CHRNA9: variants seen among roughly 807,000 people sequenced by gnomAD.
The protein encoded by CHRNA9 is cholinergic receptor nicotinic alpha 9 subunit, also known as neuronal acetylcholine receptor subunit alpha-9.
In CHRNA9, 24 loss-of-function variants were observed where a neutral mutation model predicts 36.8. The ratio of observed to expected loss-of-function variants is 0.65; its 90% CI spans 0.47 to 0.92. The LOEUF (loss-of-function observed/expected upper bound fraction) is 0.92. Among genes scored for constraint, CHRNA9 ranks in the 40% least tolerant of loss-of-function variants. The pLI, the probability that CHRNA9 is intolerant of heterozygous loss-of-function variation, is 0.00. For synonymous variants in CHRNA9, 231 were observed against 231.8 expected, an observed-to-expected ratio of 1.00 and a Z score of 0.03; for missense variants, 610 against 601.2, an observed-to-expected ratio of 1.01 and a Z score of -0.15.
intron 3 of CHRNA9, among the ~76,000 whole-genome samples, chr4:40,339,458 G>A (rs1451783717): frequency 5.3e-5 from 8 of 150,534 alleles, no homozygotes; most frequent in South Asian, 2.1e-4. Flanking sequence ...CGAGGGGGGC[G>A]GATCATGAGG....
At chr4:40,343,172 C>T (rs1007253083) in intron 3 of CHRNA9, among the ~76,000 whole-genome samples, 11 of 152,138 alleles carry the variant, frequency 7.2e-5, no homozygotes, top group Non-Finnish European at 1.5e-4. Context: ...GTCATTTTCG[C>T]TCAATTGCAA....
intron 3 of CHRNA9, chr4:40,338,373 C>T (rs1044007573): frequency 3.3e-5 from 5 of 152,298 alleles, no homozygotes; most frequent in African/African-American, 7.2e-5. Flanking sequence ...CTCCGGAAGA[C>T]GTGGGCACTG....
intron 2 of CHRNA9, 76 bp downstream of exon 2, chr4:40,336,048 T>C: frequency 1.6e-6 from 2 of 1,286,014 alleles, no homozygotes; most frequent in Non-Finnish European, 2.2e-6. Flanking sequence ...AGAGAATGTC[T>C]TAACTGGGAA....
At chr4:40,348,764 G>T (rs545829548) in intron 3 of CHRNA9, 118 bp from the exon 4 acceptor site, 3 of 953,294 alleles carry the variant, frequency 3.1e-6, no homozygotes, top group African/African-American at 3.3e-5. Context: ...ACAGTGACAG[G>T]CAAAATGGTG....
intron 3 of CHRNA9, among the ~76,000 whole-genome samples, chr4:40,346,753 C>T (rs1368688869): frequency 6.6e-6 from 1 of 152,026 alleles, no homozygotes. Flanking sequence ...CAATAAAAAC[C>T]TTAAAAACAT....
rs78801957 is a variant in CHRNA9, at chr4:40,353,699, C to A, written c.899-280C>A. Among the ~76,000 whole-genome samples, 969 of 151,070 alleles carry A rather than the reference C, an allele frequency of 6.4e-3. 7 individuals are homozygous for A. Among genetic ancestry groups the A allele is most frequent in the Non-Finnish European group, 8.8e-3 (596 of 67,678 alleles). ...TATGTTTAGATACACAAATATTGAC[C>A]GTTTGATAATCATGTGTACAATTGC... is the stretch of plus-strand genomic sequence containing the variant. On this transcript the variant is annotated intron_variant, in intron 4 of 4. Transcript: ENST00000310169.
At chr4:40,339,593 G>A (rs1403150473) in intron 3 of CHRNA9, among the ~76,000 whole-genome samples, 3 of 150,180 alleles carry the variant, frequency 2.0e-5, no homozygotes, top group African/African-American at 7.4e-5. Context: ...GTGAACCCGG[G>A]AGGCGGAGCT....
At position 40,354,498 on chromosome 4, in the gene CHRNA9, T is replaced by G. The variant is rs371532896; in HGVS notation, c.1418T>G (p.Leu473Trp). 775 of 1,612,770 alleles carry G rather than the reference T, an allele frequency of 4.8e-4. 16 individuals are homozygous for G. In the South Asian group the frequency reaches 8.1e-3, roughly 17 times the overall value. The part of the protein sequence containing the change: ...FFIMVFVMTI[L>W]IIARAD Reference sequence around the variant, plus strand: ...ATTATGGTGTTTGTGATGACTATTTTGATCATAGCAAGAGCGGATTAGTCA... The same window carrying G: ...ATTATGGTGTTTGTGATGACTATTTGGATCATAGCAAGAGCGGATTAGTCA... The change falls in exon 5 of 5, where the codon TTG (leucine) becomes TGG (tryptophan). Residue 473 changes from leucine (L) to tryptophan (W), a missense_variant. Coordinates refer to ENST00000310169, the MANE Select transcript of CHRNA9 (RefSeq NM_017581.4).
At chr4:40,343,666 G>A (rs541870328) in intron 3 of CHRNA9, among the ~76,000 whole-genome samples, 10 of 152,322 alleles carry the variant, frequency 6.6e-5, no homozygotes, top group East Asian at 5.8e-4. Flanking sequence ...TAAATATTCC[G>A]TGAGGGTTAT....
In CHRNA9 at chr4:40,335,397, T is replaced by G; in HGVS notation, c.-71T>G. The G allele has an allele frequency of 8.5e-7, 1 of 1,171,848 alleles. No homozygotes were observed. The highest frequency in any genetic ancestry group is 1.3e-6 in the Non-Finnish European group (1 of 777,030). 72.6% of individuals were successfully genotyped at this position (1,171,848 alleles called of 1,614,324 possible). A position where few individuals can be genotyped will look rare whatever the true frequency, so the allele number is the denominator to read the frequency against. ...TGTGGGCTCCTTGTGCCCAGATCCT[T>G]TGTATTCATAGGGGGAAGTGGAAGA... On this transcript the variant is annotated 5_prime_UTR_variant, in exon 1 of 5. Transcript: ENST00000310169.
chr4:40,338,881 CCT>C (rs35180880), intron 3 of CHRNA9, among the ~76,000 whole-genome samples: 71,959 of 139,480 alleles, frequency 0.52, 17,788 homozygotes, highest in East Asian at 0.83. Flanking sequence ...TCTCTCTCTC[CCT>C]CTCTCTCTCA....
chr4:40,340,406 G>A (rs1201185720), intron 3 of CHRNA9, among the ~76,000 whole-genome samples: 2 of 152,136 alleles, frequency 1.3e-5, no homozygotes, highest in Non-Finnish European at 2.9e-5. Flanking sequence ...TCTAAATGGA[G>A]CTATGGTTGG....
At chr4:40,340,973 C>CAAAAAAAAAAAAAAAAAAAAAA in intron 3 of CHRNA9, among the ~76,000 whole-genome samples, 1 of 64,968 alleles carries the variant, frequency 1.5e-5, no homozygotes, top group Non-Finnish European at 3.4e-5. Flanking sequence ...ATAAGCTCTC[C>CAAAAAAAAAAAAAAAAAAAAAA]AAAAAAAAAA....
At position 40,354,541 on chromosome 4, in the gene CHRNA9, A is replaced by G; in HGVS notation, c.*21A>G. 1.3e-6 allele frequency: 2 copies of G among 1,562,052 alleles called. No homozygotes were observed. The highest frequency in any genetic ancestry group is 2.3e-5 in the South Asian group (2 of 85,314). ...ATTAGTCACAGATATTGGCTTTGCT[A>G]TCTGGGTAGAAATTAATACAATTCC... On this transcript the variant is annotated 3_prime_UTR_variant, in exon 5 of 5. Coordinates refer to ENST00000310169, the MANE Select transcript of CHRNA9 (RefSeq NM_017581.4).
At chr4:40,352,957 T>A (rs1051696328) in intron 4 of CHRNA9, among the ~76,000 whole-genome samples, 2 of 152,208 alleles carry the variant, frequency 1.3e-5, no homozygotes, top group African/African-American at 2.4e-5. Flanking sequence ...CCAAACTTTT[T>A]AATTTCGAGC....
At chr4:40,351,331 C>CAAA (rs113056490) in intron 4 of CHRNA9, among the ~76,000 whole-genome samples, 63 of 145,654 alleles carry the variant, frequency 4.3e-4, no homozygotes, top group African/African-American at 6.3e-4. Context: ...GACTTCGTCT[C>CAAA]AAAAAAAAAA....
In CHRNA9 at chr4:40,354,274, A is replaced by G; in HGVS notation, c.1194A>G (p.Lys398=). 3.1e-6 allele frequency: 5 copies of G among 1,614,158 alleles called. No homozygotes were observed. The highest frequency in any genetic ancestry group is 2.5e-6 in the Non-Finnish European group (3 of 1,180,018). The change falls in exon 5 of 5, where the codon AAA becomes AAG. Residue 398 remains lysine, a synonymous_variant. Coordinates refer to ENST00000310169, the MANE Select transcript of CHRNA9 (RefSeq NM_017581.4). ...KDLSRKKDMN[K]RLKNDLGCQG... ...TTTCCAGAAAGAAGGACATGAACAA[A>G]CGCTTAAAGAACGACCTGGGCTGCC...
At chr4:40,339,783 C>T (rs1357674412) in intron 3 of CHRNA9, among the ~76,000 whole-genome samples, 2 of 152,024 alleles carry the variant, frequency 1.3e-5, no homozygotes, top group Admixed American at 1.3e-4. Context: ...CCACCTCTGC[C>T]TCCTGAGTAG....
At chr4:40,352,239 T>G (rs1351746678) in intron 4 of CHRNA9, among the ~76,000 whole-genome samples, 1 of 152,232 alleles carries the variant, frequency 6.6e-6, no homozygotes, top group African/African-American at 2.4e-5. Context: ...TTTTATTTTT[T>G]AAGACATAGT....
Sources: gnomAD v4.1 joint callset for allele counts (sites outside exome capture counted in the v4.1 genomes callset) on GRCh38, gnomAD v4.1.1 for gene constraint, MANE v1.5 for transcripts, NCBI Gene and HGNC (gene_info 2026-07-23, HGNC 2026-07-21) for gene names.